Variants in RANBP2 observed in about 807,000 individuals in gnomAD.
RANBP2 encodes RAN binding protein 2, also known as E3 SUMO-protein ligase RanBP2.
Under a neutral mutation model 303.6 loss-of-function variants are expected in RANBP2, and 57 were observed. That is an observed-to-expected ratio of 0.19 (90% confidence interval 0.15 to 0.23). RANBP2 has a LOEUF of 0.23. Ranked by LOEUF, RANBP2 falls within the 10% of genes least tolerant of loss-of-function variation. RANBP2 has a pLI of 1.00. For missense variants in RANBP2, 3,138 were observed against 3,780.8 expected (o/e 0.83, Z 4.46); for synonymous variants, 1,167 against 1,301.5 (o/e 0.90, Z 2.23).
At chr2:109,675,364 G>C in the RANBP2 span, among the ~76,000 whole-genome samples, 2 of 152,212 alleles carry the variant, frequency 1.3e-5, no homozygotes, top group African/African-American at 4.8e-5. Flanking sequence ...AGAGGCAGAG[G>C]GCAAACCCTT....
the RANBP2 span, chr2:108,846,957 A>G: frequency 8.0e-7 from 1 of 1,246,766 alleles, no homozygotes; most frequent in Non-Finnish European, 1.2e-6. Context: ...ACTTATGGTT[A>G]ATTTTGAGAA....
chr2:108,971,866 C>T, the RANBP2 span, among the ~76,000 whole-genome samples: 1 of 152,190 alleles, frequency 6.6e-6, no homozygotes, highest in African/African-American at 2.4e-5. Context: ...GCAGAAGAGA[C>T]GGTGCAATTA....
chr2:108,861,472 CTTTTTTTTT>C, the RANBP2 span, among the ~76,000 whole-genome samples: 8 of 123,554 alleles, frequency 6.5e-5, no homozygotes, highest in African/African-American at 3.1e-4. Context: ...AACTTTCTTC[CTTTTTTTTT>C]TTTTTTTTTT....
chr2:108,965,754 T>C, the RANBP2 span, among the ~76,000 whole-genome samples: 7 of 152,032 alleles, frequency 4.6e-5, no homozygotes, highest in Non-Finnish European at 7.4e-5. Context: ...TGCATTGATG[T>C]GGTGGTGGGG....
the RANBP2 span, among the ~76,000 whole-genome samples, chr2:109,145,970 G>A: frequency 6.6e-6 from 1 of 152,130 alleles, no homozygotes. Flanking sequence ...GTACCCCTGA[G>A]CAAGTCAAGG....
At chr2:109,538,294 A>G in the RANBP2 span, among the ~76,000 whole-genome samples, 1 of 152,204 alleles carries the variant, frequency 6.6e-6, no homozygotes, top group African/African-American at 2.4e-5. Context: ...TAGACAGTCC[A>G]GGATCATTTT....
chr2:108,904,314 A>C, the RANBP2 span, among the ~76,000 whole-genome samples: 9 of 152,214 alleles, frequency 5.9e-5, no homozygotes, highest in African/African-American at 2.2e-4. Context: ...ACACCACCAA[A>C]TGCTGGCAAG....
intron 6 of RANBP2, among the ~76,000 whole-genome samples, chr2:108,738,438 A>G (rs1189261773): frequency 6.6e-6 from 1 of 151,252 alleles, no homozygotes; most frequent in African/African-American, 2.4e-5. Context: ...GAAGGTCTCA[A>G]TCTCTTGACC....
chr2:109,063,554 A>T, the RANBP2 span, among the ~76,000 whole-genome samples: 1 of 152,110 alleles, frequency 6.6e-6, no homozygotes, highest in Non-Finnish European at 1.5e-5. Context: ...GCGACAGGGA[A>T]CCGTCCCGGG....
At chr2:109,273,277 T>G in the RANBP2 span, among the ~76,000 whole-genome samples, 1,618 of 152,346 alleles carry the variant, frequency 0.011, 27 homozygotes, top group African/African-American at 0.036. Context: ...TCTGTGGATG[T>G]ATCTGTGGGG....
At chr2:109,497,411 C>T in the RANBP2 span, among the ~76,000 whole-genome samples, 7 of 152,196 alleles carry the variant, frequency 4.6e-5, no homozygotes, top group African/African-American at 1.2e-4. Flanking sequence ...ATCCAAACCT[C>T]GCACACAGAG....
chr2:108,854,277 A>T, the RANBP2 span, among the ~76,000 whole-genome samples: 1 of 151,030 alleles, frequency 6.6e-6, no homozygotes, highest in Non-Finnish European at 1.5e-5. Context: ...GTTAATAGGA[A>T]GGTTTGATTT....
chr2:109,672,371 C>A, the RANBP2 span, among the ~76,000 whole-genome samples: 88 of 152,344 alleles, frequency 5.8e-4, no homozygotes, highest in African/African-American at 2.0e-3. Flanking sequence ...ATATACCCTT[C>A]ATTTTATTTC....
chr2:109,384,809 T>A, the RANBP2 span, among the ~76,000 whole-genome samples: 13 of 152,208 alleles, frequency 8.5e-5, no homozygotes, highest in Non-Finnish European at 1.5e-5. Context: ...CCCCTGGGGA[T>A]GTGGGCAGAA....
At chr2:109,489,960 A>T in the RANBP2 span, among the ~76,000 whole-genome samples, 5 of 151,974 alleles carry the variant, frequency 3.3e-5, no homozygotes, top group Admixed American at 3.3e-4. Context: ...CTGGTCTCGA[A>T]CTCCTGACCT....
the RANBP2 span, among the ~76,000 whole-genome samples, chr2:109,692,956 T>C: frequency 1.6e-4 from 24 of 151,400 alleles, no homozygotes; most frequent in Non-Finnish European, 2.4e-4. Flanking sequence ...GTAGCTGGGA[T>C]TACAGGCACC....
the RANBP2 span, chr2:109,616,404 G>T: frequency 1.0e-5 from 2 of 191,068 alleles, no homozygotes; most frequent in African/African-American, 4.7e-5. Context: ...CTGGATGCCT[G>T]CAAAGTAAGG....
chr2:109,525,523 C>G, the RANBP2 span, among the ~76,000 whole-genome samples: 2 of 152,174 alleles, frequency 1.3e-5, no homozygotes, highest in Admixed American at 6.5e-5. Flanking sequence ...CTACACTCCC[C>G]GAGCTGACGC....
At chr2:109,644,819 G>T in the RANBP2 span, among the ~76,000 whole-genome samples, 1 of 152,188 alleles carries the variant, frequency 6.6e-6, no homozygotes, top group South Asian at 2.1e-4. Context: ...GCCTCCCCCC[G>T]GCTGCTTGTC....
Sources: allele counts gnomAD v4.1 joint callset (sites outside exome capture counted in the v4.1 genomes callset), GRCh38; gene constraint gnomAD v4.1.1; transcripts MANE v1.5; gene names NCBI Gene and HGNC (gene_info 2026-07-23, HGNC 2026-07-21).